The following IGF1 variants were observed in gnomAD, a reference collection of about 807,000 sequenced individuals.
The protein encoded by IGF1 is insulin like growth factor 1.
In IGF1, 4 loss-of-function variants were observed where a neutral mutation model predicts 13.8. The ratio of observed to expected loss-of-function variants is 0.29; its 90% CI spans 0.14 to 0.66. The LOEUF (loss-of-function observed/expected upper bound fraction) is 0.66, where lower values mean the gene tolerates loss of function less well. IGF1 is among the 30% of genes least tolerant of loss of function. IGF1 has a pLI of 0.78. For synonymous variants in IGF1, 76 were observed against 72.6 expected (o/e 1.05, Z -0.23); for missense variants, 124 against 188.5 (o/e 0.66, Z 2.00).
At chr12:102,461,861 A>C (rs576964998) in intron 2 of IGF1, among the ~76,000 whole-genome samples, 1 of 152,334 alleles carries the variant, frequency 6.6e-6, no homozygotes, top group South Asian at 2.1e-4. Flanking sequence ...TTTGACCTTA[A>C]CATCATTTTT....
intron 2 of IGF1, among the ~76,000 whole-genome samples, chr12:102,474,274 T>C (rs989642249): frequency 3.9e-5 from 6 of 152,202 alleles, no homozygotes; most frequent in Admixed American, 1.3e-4. Context: ...GAGAACTGGA[T>C]AGAATTGCTT....
chr12:102,446,207 G>C (rs1227778687), intron 2 of IGF1, among the ~76,000 whole-genome samples: 1 of 152,176 alleles, frequency 6.6e-6, no homozygotes, highest in South Asian at 2.1e-4. Context: ...TCTCTGCCAA[G>C]TTATGGTGTC....
intron 2 of IGF1, among the ~76,000 whole-genome samples, chr12:102,451,612 G>C (rs1221125800): frequency 4.6e-5 from 7 of 152,218 alleles, no homozygotes; most frequent in Non-Finnish European, 1.0e-4. Flanking sequence ...AAGAAAACTT[G>C]AGGAATATAC....
chr12:102,438,264 C>T (rs1251397513), intron 2 of IGF1, among the ~76,000 whole-genome samples: 1 of 152,152 alleles, frequency 6.6e-6, no homozygotes, highest in Non-Finnish European at 1.5e-5. Flanking sequence ...TCAGAGACAT[C>T]GACGACTGGC....
chr12:102,417,846 G>T lies in IGF1; in HGVS notation c.402+1663C>A, dbSNP rs6213. ...TTTTCCTTTTTTGCCTCTGCATTCA[G>T]CATTTCTACTTCCAATCTCCCTCCT... On this transcript the variant is annotated intron_variant, in intron 3 of 3. Coordinates refer to ENST00000337514, the MANE Select transcript of IGF1 (RefSeq NM_000618.5). 2,633 of 1,613,700 alleles carry T rather than the reference G, an allele frequency of 1.6e-3. 47 individuals carry two copies. The African/African-American group carries it at 0.03, about 18-fold the overall frequency.
chr12:102,425,403 T>TAA (rs1876113140), intron 2 of IGF1, among the ~76,000 whole-genome samples: 2 of 152,226 alleles, frequency 1.3e-5, no homozygotes, highest in African/African-American at 4.8e-5. Context: ...CAAGGTCATC[T>TAA]TTTTCTAGGA....
At chr12:102,460,068 CA>C (rs574739313) in intron 2 of IGF1, among the ~76,000 whole-genome samples, 155 of 152,254 alleles carry the variant, frequency 1.0e-3, no homozygotes, top group African/African-American at 3.5e-3. Context: ...AAAGGGTGAC[CA>C]AAAACTGCCA....
chr12:102,435,690 A>G (rs995734509), intron 2 of IGF1, among the ~76,000 whole-genome samples: 10 of 152,230 alleles, frequency 6.6e-5, no homozygotes, highest in African/African-American at 2.4e-4. Flanking sequence ...ACCTCATGAA[A>G]GGATGAAATT....
chr12:102,406,266 C>A (rs972867388), intron 3 of IGF1, among the ~76,000 whole-genome samples: 6 of 152,144 alleles, frequency 3.9e-5, no homozygotes, highest in African/African-American at 1.4e-4. Context: ...ATTGTCTTAA[C>A]TTAATTACGC....
chr12:102,457,252 A>G (rs994323042), intron 2 of IGF1, among the ~76,000 whole-genome samples: 2 of 152,244 alleles, frequency 1.3e-5, no homozygotes, highest in African/African-American at 4.8e-5. Context: ...TGCTTAATTT[A>G]TTAACAAAAC....
intron 2 of IGF1, among the ~76,000 whole-genome samples, chr12:102,435,539 C>T (rs1877153718): frequency 6.6e-6 from 1 of 152,174 alleles, no homozygotes; most frequent in Non-Finnish European, 1.5e-5. Context: ...TGTGCATCAG[C>T]CATTTCAACA....
Position 102,419,416 on chromosome 12 carries a change from G to A in IGF1, c.402+93C>T. On this transcript the variant is annotated intron_variant, in intron 3 of 3. Coordinates refer to ENST00000337514, the MANE Select transcript of IGF1 (RefSeq NM_000618.5). ...AGGAGCTTTTCTGACTTGTAAGCCAGGAGACTATGGGGCAGGATTTCTGCT... is the reference window on the plus strand; with the variant it reads ...AGGAGCTTTTCTGACTTGTAAGCCAAGAGACTATGGGGCAGGATTTCTGCT... The A allele has an allele frequency of 4.0e-6, 5 of 1,260,114 alleles. No homozygotes were observed. In the South Asian group the frequency reaches 5.7e-5, roughly 14 times the overall value. 78.1% of individuals were successfully genotyped at this position (1,260,114 alleles called of 1,614,324 possible).
intron 2 of IGF1, among the ~76,000 whole-genome samples, chr12:102,466,512 T>A (rs911653453): frequency 2.0e-5 from 3 of 152,140 alleles, no homozygotes; most frequent in Non-Finnish European, 4.4e-5. Flanking sequence ...CAGCAAAAAA[T>A]AGTCTGACCC....
At chr12:102,462,524 G>A (rs775449956) in intron 2 of IGF1, among the ~76,000 whole-genome samples, 5 of 152,142 alleles carry the variant, frequency 3.3e-5, no homozygotes, top group Non-Finnish European at 7.3e-5. Flanking sequence ...TGGTAAGAGA[G>A]ATTTTCATAA....
chr12:102,469,692 G>A (rs1339143307), intron 2 of IGF1, among the ~76,000 whole-genome samples: 2 of 152,030 alleles, frequency 1.3e-5, no homozygotes, highest in African/African-American at 4.8e-5. Flanking sequence ...CTGGGATTTT[G>A]GAAGCATCTC....
intron 2 of IGF1, among the ~76,000 whole-genome samples, 159 bp from the exon 3 acceptor site, chr12:102,419,849 T>A (rs1376165542): frequency 6.6e-6 from 1 of 152,142 alleles, no homozygotes; most frequent in Non-Finnish European, 1.5e-5. Context: ...ACCCCACGTA[T>A]CTTTCTGAAT....
At chr12:102,458,710 C>A (rs1879636099) in intron 2 of IGF1, among the ~76,000 whole-genome samples, 1 of 99,166 alleles carries the variant, frequency 1.0e-5, no homozygotes, top group Non-Finnish European at 1.8e-5. Flanking sequence ...TATAGTTAAG[C>A]AGATGGTAGG....
At chr12:102,456,184 G>A (rs1191380463) in intron 2 of IGF1, among the ~76,000 whole-genome samples, 1 of 150,300 alleles carries the variant, frequency 6.7e-6, no homozygotes, top group Non-Finnish European at 1.5e-5. Context: ...TTCCTAACAC[G>A]GACATTCAAC....
chr12:102,461,508 G>T (rs751202206), intron 2 of IGF1, among the ~76,000 whole-genome samples: 4 of 149,196 alleles, frequency 2.7e-5, no homozygotes, highest in Non-Finnish European at 6.1e-5. Flanking sequence ...AACAAAAGAT[G>T]AAATTTGATA....
Sources: gnomAD v4.1 joint callset for allele counts (sites outside exome capture counted in the v4.1 genomes callset) on GRCh38, gnomAD v4.1.1 for gene constraint, MANE v1.5 for transcripts, NCBI Gene and HGNC (gene_info 2026-07-23, HGNC 2026-07-21) for gene names.